NBAS: variants seen among roughly 807,000 people sequenced by gnomAD.
NBAS encodes NBAS subunit of NRZ tethering complex, also known as NAG/BC035112 fusion.
NBAS carries 219 observed loss-of-function variants against 302.5 expected under a neutral mutation model. The observed-to-expected ratio is 0.72, with a 90% CI of 0.65 to 0.81. NBAS has a LOEUF of 0.81. Among genes scored for constraint, NBAS ranks in the 30% least tolerant of loss-of-function variants. The pLI is 0.00. For missense variants in NBAS, 2,932 were observed against 2,841.6 expected (o/e 1.03, Z -0.72); for synonymous variants, 1,118 against 1,021.6 (o/e 1.09, Z -1.80).
the NBAS span, among the ~76,000 whole-genome samples, chr2:14,972,657 G>A: frequency 1.3e-5 from 2 of 152,178 alleles, no homozygotes; most frequent in African/African-American, 2.4e-5. Flanking sequence ...TTAATAAGCT[G>A]TGGAACCAGA....
the NBAS span, among the ~76,000 whole-genome samples, chr2:14,897,803 C>T: frequency 9.9e-5 from 15 of 152,140 alleles, no homozygotes; most frequent in South Asian, 8.3e-4. Context: ...ATTAAGAAGG[C>T]GGTGGTTAAC....
intron 31 of NBAS, among the ~76,000 whole-genome samples, chr2:15,369,166 C>T (rs13391671): frequency 0.011 from 1,673 of 152,116 alleles, 23 homozygotes; most frequent in African/African-American, 0.038. Flanking sequence ...ATCTGCATTC[C>T]ACATATGTAA....
At chr2:15,336,092 CAAAAAAAAA>C (rs112260741) in intron 35 of NBAS, among the ~76,000 whole-genome samples, 2 of 105,714 alleles carry the variant, frequency 1.9e-5, no homozygotes, top group African/African-American at 6.2e-5. Context: ...ATCCTCATTT[CAAAAAAAAA>C]AAAAAAGAAA....
intron 38 of NBAS, among the ~76,000 whole-genome samples, chr2:15,325,870 A>G (rs547353816): frequency 2.6e-5 from 4 of 152,164 alleles, no homozygotes; most frequent in Admixed American, 6.5e-5. Context: ...AATCATTTCT[A>G]GCTTTTCCTT....
chr2:15,238,830 T>A, intron 44 of NBAS, 144 bp from the exon 45 acceptor site: 2 of 696,802 alleles, frequency 2.9e-6, no homozygotes. Context: ...CTAGTTTTTC[T>A]TCTGTGAAGA....
chr2:15,104,030 C>T, the NBAS span, among the ~76,000 whole-genome samples: 19 of 152,228 alleles, frequency 1.2e-4, no homozygotes, highest in Non-Finnish European at 2.6e-4. Context: ...CCAAATCTCA[C>T]GGTGAATTGT....
chr2:15,464,951 C>A (rs1679659519), intron 19 of NBAS, among the ~76,000 whole-genome samples: 1 of 152,222 alleles, frequency 6.6e-6, no homozygotes, highest in African/African-American at 2.4e-5. Context: ...GGCTACTCGT[C>A]AGAGAGACCT....
the NBAS span, among the ~76,000 whole-genome samples, chr2:14,892,651 T>C: frequency 1.8e-4 from 28 of 151,822 alleles, no homozygotes; most frequent in African/African-American, 5.8e-4. Flanking sequence ...TCAGCATCGA[T>C]TGATTAAATC....
At chr2:15,340,364 T>G (rs1008963539) in intron 35 of NBAS, among the ~76,000 whole-genome samples, 3 of 152,070 alleles carry the variant, frequency 2.0e-5, no homozygotes, top group Non-Finnish European at 2.9e-5. Flanking sequence ...AGCAAAAGAT[T>G]TATGGTACGA....
At chr2:15,328,989 T>C (rs561282896) in intron 36 of NBAS, among the ~76,000 whole-genome samples, 1 of 152,300 alleles carries the variant, frequency 6.6e-6, no homozygotes, top group South Asian at 2.1e-4. Flanking sequence ...ACTGTGTCCC[T>C]TTCATGATCC....
chr2:15,033,734 T>G, the NBAS span, among the ~76,000 whole-genome samples: 2 of 151,976 alleles, frequency 1.3e-5, no homozygotes, highest in African/African-American at 4.8e-5. Flanking sequence ...GTGGGAAGAT[T>G]GCTTGAGCCC....
At chr2:15,504,357 T>A in intron 10 of NBAS, 144 bp from the exon 11 acceptor site, 4 of 741,030 alleles carry the variant, frequency 5.4e-6, no homozygotes, top group Non-Finnish European at 6.7e-6. Context: ...GTGTCAAGGA[T>A]CTTGGTGAGA....
the NBAS span, among the ~76,000 whole-genome samples, chr2:15,009,753 G>A: frequency 6.7e-6 from 1 of 149,888 alleles, no homozygotes; most frequent in African/African-American, 2.4e-5. Context: ...ATGCATGTGT[G>A]TACACAGAGA....
chr2:15,393,705 C>G (rs548469863), intron 28 of NBAS: 1 of 470,706 alleles, frequency 2.1e-6, no homozygotes, highest in Non-Finnish European at 4.4e-6. Context: ...CAAATGTCCA[C>G]GGACAGAGAA....
chr2:15,334,041 A>T (rs1672469164), intron 35 of NBAS, among the ~76,000 whole-genome samples: 1 of 152,128 alleles, frequency 6.6e-6, no homozygotes, highest in African/African-American at 2.4e-5. Context: ...AGTGTTTCAT[A>T]CAAGCATCCC....
At chr2:14,858,389 C>A in the NBAS span, among the ~76,000 whole-genome samples, 6 of 152,026 alleles carry the variant, frequency 3.9e-5, no homozygotes, top group African/African-American at 1.4e-4. Context: ...TTCACAACTG[C>A]AAAGATTTGG....
intron 24 of NBAS, among the ~76,000 whole-genome samples, 167 bp downstream of exon 24, chr2:15,417,360 T>C (rs1406430540): frequency 1.3e-5 from 2 of 152,232 alleles, no homozygotes; most frequent in Non-Finnish European, 2.9e-5. Flanking sequence ...TAGTTTTATA[T>C]GTGTTTAGTA....
chr2:14,918,749 C>T, the NBAS span, among the ~76,000 whole-genome samples: 7 of 151,846 alleles, frequency 4.6e-5, no homozygotes, highest in East Asian at 1.4e-3. Flanking sequence ...CTCACCATGG[C>T]TGCAGTGGGA....
the NBAS span, among the ~76,000 whole-genome samples, chr2:14,846,966 T>C: frequency 1.3e-5 from 2 of 152,234 alleles, no homozygotes; most frequent in Non-Finnish European, 2.9e-5. Context: ...TTCTCACTTA[T>C]CATTAATAAC....
Sources: gnomAD v4.1 joint callset for allele counts (sites outside exome capture counted in the v4.1 genomes callset) on GRCh38, gnomAD v4.1.1 for gene constraint, MANE v1.5 for transcripts, NCBI Gene and HGNC (gene_info 2026-07-23, HGNC 2026-07-21) for gene names.